Variants in GSDME observed in about 807,000 individuals in gnomAD.
GSDME encodes the protein gasdermin E.
In GSDME, 44 loss-of-function variants were observed where a neutral mutation model predicts 47.5. The ratio of observed to expected loss-of-function variants is 0.93; its 90% CI spans 0.73 to 1.19. The LOEUF (loss-of-function observed/expected upper bound fraction) is 1.19. Among genes scored for constraint, GSDME ranks in the 50% most tolerant of loss-of-function variants. GSDME has a pLI of 0.00. For synonymous variants in GSDME, 258 were observed against 252.8 expected (o/e 1.02, Z -0.20); for missense variants, 663 against 604.2 (o/e 1.10, Z -1.02).
chr7:24,714,459 G>C lies in GSDME; in HGVS notation c.697+2795C>G, dbSNP rs563810610. 6.6e-6 allele frequency among the ~76,000 whole-genome samples: 1 copy of C among 152,206 alleles called. No individual in the cohort carries two copies. The highest frequency in any genetic ancestry group is 2.4e-5 in the African/African-American group (1 of 41,508). ...AAAAAGAAAAGAAATAGCAGAACTG[G>C]TTTAAAATCAGGCAGTGAATCACCC... On this transcript the variant is annotated intron_variant, in intron 5 of 9. Coordinates refer to ENST00000645220, the MANE Select transcript of GSDME (RefSeq NM_001127453.2). This position sits in a 1 kb window ranked among gnomAD's most constrained non-coding sequence, Gnocchi z 5.0.
At chr7:24,761,862 A>G (rs957922831), upstream of GSDME, among the ~76,000 whole-genome samples, 12 of 152,232 alleles carry the variant, frequency 7.9e-5, 1 homozygote, top group African/African-American at 2.9e-4. This position sits in a 1 kb window ranked among gnomAD's most constrained non-coding sequence, Gnocchi z 4.4. Flanking sequence ...ACAAGCCTAG[A>G]TTCAAAGATA....
rs1043517694 is a variant in GSDME at position 24,714,400 on chromosome 7, C to G, written c.697+2854G>C. Among the ~76,000 whole-genome samples the G allele has an allele frequency of 1.3e-5, 2 of 152,116 alleles. No homozygotes were observed. The highest frequency in any genetic ancestry group is 6.5e-5 in the Admixed American group (1 of 15,280). ...GTCTATGAAGCTATACCAGAACATTCTGTAGCAAGAGCAACAGAAAACGGA... is the reference window on the plus strand; with the variant it reads ...GTCTATGAAGCTATACCAGAACATTGTGTAGCAAGAGCAACAGAAAACGGA... On this transcript the variant is annotated intron_variant, in intron 5 of 9. Transcript: ENST00000645220. The surrounding 1 kb of genome is among the most constrained non-coding windows in gnomAD (Gnocchi z 5.0).
At chr7:24,779,646 C>CGTCT in the GSDME span, among the ~76,000 whole-genome samples, 1 of 152,162 alleles carries the variant, frequency 6.6e-6, no homozygotes. The surrounding 1 kb of genome is among the most constrained non-coding windows in gnomAD (Gnocchi z 6.0). Context: ...CGTATCAAGA[C>CGTCT]GTGCAGAGGA....
intron 7 of GSDME, 100 bp from the exon 8 acceptor site, chr7:24,706,476 C>T: frequency 1.6e-6 from 2 of 1,219,230 alleles, no homozygotes; most frequent in African/African-American, 1.5e-5. Flanking sequence ...GCCCTTCCCA[C>T]TCCCCCGAGG....
Position 24,714,359 on chromosome 7 carries a change from A to G in GSDME, c.697+2895T>C, listed in dbSNP as rs1458577779. Among the ~76,000 whole-genome samples, 1 of 152,174 alleles carries G rather than the reference A, an allele frequency of 6.6e-6. No homozygotes were observed. The highest frequency in any genetic ancestry group is 1.9e-4 in the East Asian group (1 of 5,188). On this transcript the variant is annotated intron_variant, in intron 5 of 9. Transcript: ENST00000645220. This position sits in a 1 kb window ranked among gnomAD's most constrained non-coding sequence, Gnocchi z 5.0. ...GCATGTCTTCTCAAGGGCCCTTCCA[A>G]CCACTGCAGGTTTATGTCTATGAAG...
In GSDME at chr7:24,699,027, C is replaced by G. The variant is rs767273037; in HGVS notation, c.1490G>C (p.Ter497SerextTer4). ...CGTACTTCTAGTTCACATATGACAT[C>G]ATGAATGTTCTCTGCCTAAAGCACA... ...GLCALGREHS[*>S] Residue 497 changes from the stop codon to serine (S), a stop_lost, in exon 10 of 10, where the codon TGA (stop) becomes TCA (serine). Transcript: ENST00000645220. The G allele has an allele frequency of 5.0e-6, 8 of 1,607,394 alleles. No homozygotes were observed. The highest frequency in any genetic ancestry group is 6.0e-6 in the Non-Finnish European group (7 of 1,174,274).
intron 3 of GSDME, among the ~76,000 whole-genome samples, chr7:24,738,395 A>G (rs533103995): frequency 7.2e-5 from 11 of 152,254 alleles, no homozygotes; most frequent in South Asian, 4.1e-4. Flanking sequence ...ATAAAATTAA[A>G]TATCTACAAA....
At chr7:24,750,662 T>G (rs1375104414) in intron 1 of GSDME, among the ~76,000 whole-genome samples, 1 of 152,198 alleles carries the variant, frequency 6.6e-6, no homozygotes, top group Non-Finnish European at 1.5e-5. Context: ...CTACTGACTA[T>G]CATAATAGAT....
At chr7:24,731,690 A>G (rs1162683245) in intron 3 of GSDME, among the ~76,000 whole-genome samples, 5 of 152,220 alleles carry the variant, frequency 3.3e-5, no homozygotes, top group African/African-American at 4.8e-5. Context: ...GCCAAGCACT[A>G]CTATACCTGC....
At chr7:24,703,487 A>G (rs181820727) in intron 8 of GSDME, 4 of 159,052 alleles carry the variant, frequency 2.5e-5, no homozygotes, top group Admixed American at 2.4e-4. Flanking sequence ...AGTGGATATT[A>G]AACACCTCCC....
At position 24,721,288 on chromosome 7, in the gene GSDME, C is replaced by T. The variant is rs1039427247; in HGVS notation, c.405-2070G>A. On this transcript the variant is annotated intron_variant, in intron 3 of 9. Coordinates refer to ENST00000645220, the MANE Select transcript of GSDME (RefSeq NM_001127453.2). This position sits in a 1 kb window ranked among gnomAD's most constrained non-coding sequence, Gnocchi z 4.1. Reference sequence around the variant, plus strand: ...ACAAATAGATAAGACATAGGAAAAACGGGTTCAATCTTAGTACTGGTTAAG... The same window carrying T: ...ACAAATAGATAAGACATAGGAAAAATGGGTTCAATCTTAGTACTGGTTAAG... 7.2e-5 allele frequency among the ~76,000 whole-genome samples: 11 copies of T among 152,130 alleles called. No homozygotes were observed. The highest frequency in any genetic ancestry group is 3.9e-4 in the Admixed American group (6 of 15,276).
chr7:24,754,241 C>T lies in GSDME; in HGVS notation c.-20+3155G>A, dbSNP rs561021387. Among the ~76,000 whole-genome samples the T allele has an allele frequency of 6.6e-6, 1 of 152,256 alleles. No individual in the cohort carries two copies. The highest frequency in any genetic ancestry group is 1.9e-4 in the East Asian group (1 of 5,178). On this transcript the variant is annotated intron_variant, in intron 1 of 9. Coordinates refer to ENST00000645220, the MANE Select transcript of GSDME (RefSeq NM_001127453.2). The surrounding 1 kb of genome is among the most constrained non-coding windows in gnomAD (Gnocchi z 5.0). ...GTGGCTCATGCCTGTAATCCCAGCA[C>T]TTTGGGAGGCCGAGGTGGGGCGGAT...
intron 7 of GSDME, among the ~76,000 whole-genome samples, chr7:24,706,939 T>TCTCCAG (rs1789136109): frequency 6.6e-6 from 1 of 152,186 alleles, no homozygotes; most frequent in African/African-American, 2.4e-5. Context: ...GCAGCTTGCT[T>TCTCCAG]CTCCAGCATT....
At chr7:24,709,581 C>T (rs933631638) in intron 6 of GSDME, among the ~76,000 whole-genome samples, 17 of 152,074 alleles carry the variant, frequency 1.1e-4, no homozygotes, top group Non-Finnish European at 2.1e-4. Flanking sequence ...GCTCTTTGTG[C>T]TAAGCTCTCA....
chr7:24,698,879 C>T lies in GSDME; in HGVS notation c.*147G>A. 1 of 710,214 alleles carries T rather than the reference C, an allele frequency of 1.4e-6. No homozygotes were observed. The highest frequency in any genetic ancestry group is 2.0e-5 in the Admixed American group (1 of 48,978). The allele number at this position is 710,214 out of a possible 1,614,324, so 44.0% of individuals were successfully genotyped here. A position where few individuals can be genotyped will look rare whatever the true frequency, so the allele number is the denominator to read the frequency against. ...TAAAGAGTACCTGGTGGCTAAAAGT[C>T]AGGTCATTCATCATGCAAAATGTCA... On this transcript the variant is annotated 3_prime_UTR_variant, in exon 10 of 10. Transcript: ENST00000645220.
chr7:24,748,435 G>A (rs1790749497), intron 2 of GSDME, among the ~76,000 whole-genome samples: 1 of 152,050 alleles, frequency 6.6e-6, no homozygotes, highest in Non-Finnish European at 1.5e-5. Flanking sequence ...TGGGATTACA[G>A]GCATGAGCCA....
At position 24,721,781 on chromosome 7, in the gene GSDME, T is replaced by C. The variant is rs569204513; in HGVS notation, c.405-2563A>G. Among the ~76,000 whole-genome samples, 1 of 152,316 alleles carries C rather than the reference T, an allele frequency of 6.6e-6. No homozygotes were observed. The highest frequency in any genetic ancestry group is 1.9e-4 in the East Asian group (1 of 5,184). Reference sequence around the variant, plus strand: ...TTCTTAAAAGCCTTCAATGGCTATATCCCATGTCCAGTGCGTTCCCAGGCT... The same window carrying C: ...TTCTTAAAAGCCTTCAATGGCTATACCCCATGTCCAGTGCGTTCCCAGGCT... On this transcript the variant is annotated intron_variant, in intron 3 of 9. Transcript: ENST00000645220. The surrounding 1 kb of genome is among the most constrained non-coding windows in gnomAD (Gnocchi z 4.1).
chr7:24,743,696 T>G lies in GSDME; in HGVS notation c.404+866A>C, dbSNP rs140067204. 4.3e-3 allele frequency among the ~76,000 whole-genome samples: 650 copies of G among 152,178 alleles called. 1 individual carries two copies. The highest frequency in any genetic ancestry group is 7.0e-3 in the Non-Finnish European group (473 of 67,976). On this transcript the variant is annotated intron_variant, in intron 3 of 9. Coordinates refer to ENST00000645220, the MANE Select transcript of GSDME (RefSeq NM_001127453.2). ...CCCTTGCTCACTGGGCACAGGCCAC[T>G]CTGGCCACTGCCCACAGCGTCCTGC...
Position 24,754,348 on chromosome 7 carries a change from C to G in GSDME, c.-20+3048G>C, listed in dbSNP as rs1314620354. On this transcript the variant is annotated intron_variant, in intron 1 of 9. Coordinates refer to ENST00000645220, the MANE Select transcript of GSDME (RefSeq NM_001127453.2). This position sits in a 1 kb window ranked among gnomAD's most constrained non-coding sequence, Gnocchi z 5.0. ...ACTAAAAATACAAAAATTAGCCAGA[C>G]ATGGTGGCAGGCAGTAATCCCAGCT... Among the ~76,000 whole-genome samples the G allele has an allele frequency of 6.6e-6, 1 of 151,996 alleles. No individual in the cohort carries two copies. Among genetic ancestry groups the G allele is most frequent in the Non-Finnish European group, 1.5e-5 (1 of 67,982 alleles).
Sources: gnomAD v4.1 joint callset for allele counts (sites outside exome capture counted in the v4.1 genomes callset) on GRCh38, gnomAD v4.1.1 for gene constraint, Gnocchi (gnomAD v3.1) non-coding constraint, MANE v1.5 for transcripts, NCBI Gene and HGNC (gene_info 2026-07-23, HGNC 2026-07-21) for gene names.